PCDHA10: variants seen among roughly 807,000 people sequenced by gnomAD.
PCDHA10 encodes the protein protocadherin alpha-10.
Under a neutral mutation model 61.2 loss-of-function variants are expected in PCDHA10, and 45 were observed. That is an observed-to-expected ratio of 0.74 (90% CI 0.58 to 0.94). The LOEUF (loss-of-function observed/expected upper bound fraction) is 0.94, where lower values mean the gene tolerates loss of function less well. Among genes scored for constraint, PCDHA10 ranks in the 40% least tolerant of loss-of-function variants. The probability of loss-of-function intolerance (pLI) is 0.00; values close to 1 mark genes in which losing one functional copy is unlikely to be tolerated. For missense variants in PCDHA10, 1,278 were observed against 1,236.2 expected, an observed-to-expected ratio of 1.03 and a Z score of -0.51; for synonymous variants, 602 against 548.8, an observed-to-expected ratio of 1.10 and a Z score of -1.35.
At chr5:140,942,860 G>T (rs1262172468) in intron 1 of PCDHA10, among the ~76,000 whole-genome samples, 15 of 151,964 alleles carry the variant, frequency 9.9e-5, no homozygotes, top group Admixed American at 9.8e-4. Context: ...TGATTATTTT[G>T]CTTTAGCATG....
chr5:140,927,105 CAGCGG>C, intron 1 of PCDHA10: 1 of 1,613,778 alleles, frequency 6.2e-7, no homozygotes, highest in Non-Finnish European at 8.5e-7. Flanking sequence ...TGGATCTACC[CAGCGG>C]CAATTTGGTG....
chr5:140,926,953 C>T, intron 1 of PCDHA10: 1 of 1,596,706 alleles, frequency 6.3e-7, no homozygotes, highest in Non-Finnish European at 8.6e-7. Flanking sequence ...TGCAGCGGGA[C>T]AGCTCGAGTA....
At chr5:140,861,707 G>T (rs1181948705) in intron 1 of PCDHA10, 1 of 218,782 alleles carries the variant, frequency 4.6e-6, no homozygotes, top group African/African-American at 2.3e-5. Context: ...TGATGCCGAC[G>T]TCGGGGCCAA....
chr5:140,857,098 T>G lies in PCDHA10; in HGVS notation c.1050T>G (p.Ile350Met). 6.3e-7 allele frequency: 1 copy of G among 1,597,572 alleles called. No homozygotes were observed. Among genetic ancestry groups the G allele is most frequent in the Non-Finnish European group, 8.6e-7 (1 of 1,167,198 alleles). The change falls in exon 1 of 4, where the codon ATT becomes ATG. Residue 350 changes from isoleucine (I) to methionine (M), a missense_variant. Transcript: ENST00000307360. ...LDENDNSPEV[I>M]VTSLSLPVKE... ...AAAATGATAATTCACCTGAGGTGAT[T>G]GTCACTTCTCTGTCTCTCCCAGTGA...
At chr5:140,891,128 C>G (rs1554184692) in intron 1 of PCDHA10, among the ~76,000 whole-genome samples, 1 of 152,100 alleles carries the variant, frequency 6.6e-6, no homozygotes, top group Non-Finnish European at 1.5e-5. Flanking sequence ...AAATGTCATT[C>G]CTTTAAAGGT....
At chr5:140,941,224 T>TTTCTTTC in intron 1 of PCDHA10, among the ~76,000 whole-genome samples, 1 of 137,372 alleles carries the variant, frequency 7.3e-6, no homozygotes, top group Non-Finnish European at 1.6e-5. Flanking sequence ...CCTTTCTTTC[T>TTTCTTTC]TTCTTTCTTT....
chr5:140,896,782 T>C (rs2065751809), intron 1 of PCDHA10, among the ~76,000 whole-genome samples: 1 of 152,206 alleles, frequency 6.6e-6, no homozygotes, highest in African/African-American at 2.4e-5. Context: ...AGTTTGCTGA[T>C]ATTTTCTCCC....
chr5:140,856,176 T>C lies in PCDHA10; in HGVS notation c.128T>C (p.Phe43Ser), dbSNP rs782159422. ...SVYEEARHGTFVGRIAQDLGL... is the reference protein window; with the variant it reads ...SVYEEARHGTSVGRIAQDLGL... ...TACGAGGAGGCCAGACACGGCACCT[T>C]CGTGGGCCGCATCGCGCAGGACCTG... Residue 43 changes from phenylalanine (F) to serine (S), a missense_variant, in exon 1 of 4, where the codon TTC becomes TCC. Coordinates refer to ENST00000307360, the MANE Select transcript of PCDHA10 (RefSeq NM_018901.4). 5 of 1,598,130 alleles carry C rather than the reference T, an allele frequency of 3.1e-6. No homozygotes were observed. In the South Asian group the frequency reaches 5.5e-5, roughly 18 times the overall value.
At chr5:140,883,522 A>G in intron 1 of PCDHA10, 1 of 1,614,220 alleles carries the variant, frequency 6.2e-7, no homozygotes, top group Middle Eastern at 1.7e-4. Flanking sequence ...GCGAGAGCGT[A>G]TCAGCCTATG....
rs185799175 is a variant in PCDHA10, at chr5:140,887,220, C to G, written c.2388+28784C>G. ...CACGCCATTCTCCTGCCTCAGCCTC[C>G]CGAGTAGCTGAGACTACCGGCGCCC... On this transcript the variant is annotated intron_variant, in intron 1 of 3. Coordinates refer to ENST00000307360, the MANE Select transcript of PCDHA10 (RefSeq NM_018901.4). Among the ~76,000 whole-genome samples, 14 of 152,078 alleles carry G rather than the reference C, an allele frequency of 9.2e-5. No individual in the cohort carries two copies. In the East Asian group the frequency reaches 2.7e-3, roughly 30 times the overall value.
Position 140,938,565 on chromosome 5 carries a change from A to G in PCDHA10, c.2389-40384A>G, listed in dbSNP as rs1347602327. Among the ~76,000 whole-genome samples the G allele has an allele frequency of 2.0e-5, 3 of 151,630 alleles. No individual in the cohort carries two copies. The East Asian group carries it at 5.8e-4, about 29-fold the overall frequency. On this transcript the variant is annotated intron_variant, in intron 1 of 3. Coordinates refer to ENST00000307360, the MANE Select transcript of PCDHA10 (RefSeq NM_018901.4). ...TTTTATCCTTTTATTAATAGCATGC[A>G]TTATATTGGTTGATTTGTTAATGAT...
intron 1 of PCDHA10, chr5:140,966,896 C>G (rs910624863): frequency 6.3e-6 from 10 of 1,596,816 alleles, no homozygotes; most frequent in Non-Finnish European, 8.5e-6. Flanking sequence ...GGCCTCCCAG[C>G]TGCGATACTC....
chr5:140,991,875 G>A (rs2097477734), intron 3 of PCDHA10, among the ~76,000 whole-genome samples: 1 of 152,092 alleles, frequency 6.6e-6, no homozygotes, highest in South Asian at 2.1e-4. Context: ...AGTTTCCTAG[G>A]GCTGCCATAA....
intron 1 of PCDHA10, among the ~76,000 whole-genome samples, chr5:140,914,027 T>C (rs188298966): frequency 6.6e-6 from 1 of 152,186 alleles, no homozygotes; most frequent in Non-Finnish European, 1.5e-5. Context: ...ATCCACGTGC[T>C]GAGAAGAATG....
At chr5:140,929,554 C>T (rs899446101) in intron 1 of PCDHA10, 4 of 488,414 alleles carry the variant, frequency 8.2e-6, no homozygotes, top group Non-Finnish European at 1.4e-5. Context: ...AAAATTAAAA[C>T]CTATTTAAGA....
At chr5:141,004,348 C>A (rs1554259549) in intron 3 of PCDHA10, among the ~76,000 whole-genome samples, 1 of 152,216 alleles carries the variant, frequency 6.6e-6, no homozygotes, top group Non-Finnish European at 1.5e-5. Context: ...CTGTGAGGGA[C>A]TGGAGAGACC....
intron 1 of PCDHA10, 142 bp from the exon 2 acceptor site, chr5:140,978,807 A>T (rs1489269679): frequency 6.7e-7 from 1 of 1,494,726 alleles, no homozygotes; most frequent in Non-Finnish European, 8.9e-7. Context: ...AGATATCATC[A>T]TAGAGTTACA....
intron 1 of PCDHA10, among the ~76,000 whole-genome samples, chr5:140,872,031 C>A (rs1383565952): frequency 6.6e-6 from 1 of 152,220 alleles, no homozygotes; most frequent in Non-Finnish European, 1.5e-5. Context: ...AACTGCTAAG[C>A]TCAAAGAATT....
intron 1 of PCDHA10, among the ~76,000 whole-genome samples, chr5:140,900,525 C>A (rs1322679465): frequency 6.6e-6 from 1 of 152,232 alleles, no homozygotes; most frequent in East Asian, 1.9e-4. Context: ...GATCTGCCCA[C>A]CTCGGCTTTC....
Sources: allele counts gnomAD v4.1 joint callset (sites outside exome capture counted in the v4.1 genomes callset), GRCh38; gene constraint gnomAD v4.1.1; transcripts MANE v1.5; gene names NCBI Gene and HGNC (gene_info 2026-07-23, HGNC 2026-07-21).